Variants in LONP1 observed in about 807,000 individuals in gnomAD.
The protein encoded by LONP1 is lon peptidase 1, mitochondrial, also known as lon protease homolog, mitochondrial.
Under a neutral mutation model 98.5 loss-of-function variants are expected in LONP1, and 31 were observed. That is an observed-to-expected ratio of 0.31 (90% CI 0.24 to 0.42). The LOEUF is 0.42. LONP1 is among the 20% of genes least tolerant of loss of function. The pLI, the probability that LONP1 is intolerant of heterozygous loss-of-function variation, is 1.00. For synonymous variants in LONP1, 781 were observed against 594.7 expected (o/e 1.31, Z -4.56); for missense variants, 1,336 against 1,350.6 (o/e 0.99, Z 0.17).
intron 8 of LONP1, 101 bp from the exon 9 acceptor site, chr19:5,701,028 G>A: frequency 7.3e-7 from 1 of 1,364,974 alleles, no homozygotes; most frequent in Non-Finnish European, 1.0e-6. Context: ...AAACCCATGT[G>A]TGGGGCTGAG....
intron 7 of LONP1, among the ~76,000 whole-genome samples, chr19:5,706,557 A>G (rs2055148360): frequency 6.6e-6 from 1 of 152,048 alleles, no homozygotes; most frequent in Admixed American, 6.6e-5. Context: ...TAGTGAGCTG[A>G]GATTGCGCCA....
chr19:5,696,093 C>T lies in LONP1; in HGVS notation c.1974G>A (p.Val658=). The T allele has an allele frequency of 6.2e-7, 1 of 1,613,090 alleles. No individual in the cohort carries two copies. The change falls in exon 13 of 18, where the codon GTG becomes GTA. Residue 658 remains valine, a synonymous_variant. Coordinates refer to ENST00000360614, the MANE Select transcript of LONP1 (RefSeq NM_004793.4). ...GCTTCTCCTGGGCCACGTAGCCCGACACGTTGATCATCTCCATACGGTCTC... is the reference window on the plus strand; with the variant it reads ...GCTTCTCCTGGGCCACGTAGCCCGATACGTTGATCATCTCCATACGGTCTC... ...PLRDRMEMIN[V]SGYVAQEKLA... is the part of the protein sequence containing the mutation.
chr19:5,709,275 G>A (rs1171672922), intron 4 of LONP1, among the ~76,000 whole-genome samples: 1 of 151,676 alleles, frequency 6.6e-6, no homozygotes, highest in Non-Finnish European at 1.5e-5. Context: ...GGTCACTTGA[G>A]GCCAGGAGCT....
At chr19:5,710,955 G>C (rs1304674592) in intron 4 of LONP1, among the ~76,000 whole-genome samples, 1 of 152,076 alleles carries the variant, frequency 6.6e-6, no homozygotes, top group East Asian at 1.9e-4. Context: ...GAACCTGGGA[G>C]GTGGAAATTG....
intron 5 of LONP1, 50 bp from the exon 6 acceptor site, chr19:5,707,876 G>A (rs1396164275): frequency 6.2e-7 from 1 of 1,603,812 alleles, no homozygotes; most frequent in African/African-American, 1.3e-5. Flanking sequence ...ACGCTCTGCT[G>A]CAGTGCAGCC....
chr19:5,697,324 AG>A (rs1476369285), intron 10 of LONP1, among the ~76,000 whole-genome samples: 3 of 151,824 alleles, frequency 2.0e-5, no homozygotes, highest in Non-Finnish European at 2.9e-5. Context: ...TTAAGTGTGC[AG>A]GGGGGTAAGG....
At chr19:5,715,423 C>A (rs1489160883) in intron 1 of LONP1, among the ~76,000 whole-genome samples, 1 of 150,010 alleles carries the variant, frequency 6.7e-6, no homozygotes, top group Non-Finnish European at 1.5e-5. Flanking sequence ...GCGGGCAGAT[C>A]ACAAGGTCAG....
At chr19:5,716,183 G>C (rs756428650) in intron 1 of LONP1, among the ~76,000 whole-genome samples, 8 of 148,132 alleles carry the variant, frequency 5.4e-5, no homozygotes, top group Non-Finnish European at 1.0e-4. Context: ...ACCAGCCTGG[G>C]TAACACAGTG....
intron 8 of LONP1, among the ~76,000 whole-genome samples, chr19:5,704,237 G>A (rs1242148930): frequency 5.3e-5 from 8 of 152,204 alleles, no homozygotes; most frequent in Non-Finnish European, 1.2e-4. Flanking sequence ...GGCAGGAAAC[G>A]GATTCTCCTC....
At chr19:5,696,221 A>G (rs1324225396) in intron 12 of LONP1, 28 bp downstream of exon 12, 2 of 1,612,740 alleles carry the variant, frequency 1.2e-6, no homozygotes, top group Non-Finnish European at 1.7e-6. Flanking sequence ...CCTCCCCAGC[A>G]AGCCCAGGCC....
In LONP1 at chr19:5,707,835, C is replaced by G; in HGVS notation, c.933-9G>C. The G allele has an allele frequency of 6.2e-7, 1 of 1,612,436 alleles. No homozygotes were observed. The highest frequency in any genetic ancestry group is 8.5e-7 in the Non-Finnish European group (1 of 1,179,622). ...TCTGCAGCACTGACTCCCTGGGGGA[C>G]AAAGGGAGCTGCCTCGGTGGCCAGG... On this transcript the variant is annotated splice_polypyrimidine_tract_variant and intron_variant, in intron 5 of 17. Transcript: ENST00000360614.
In LONP1 at chr19:5,708,053, C is replaced by G. The variant is rs2055176381; in HGVS notation, c.933-227G>C. 6.5e-6 allele frequency: 4 copies of G among 617,056 alleles called. No homozygotes were observed. In the South Asian group the frequency reaches 7.9e-5, roughly 12 times the overall value. The allele number at this position is 617,056 out of a possible 1,614,324, so 38.2% of individuals were successfully genotyped here. A position where few individuals can be genotyped will look rare whatever the true frequency, so the allele number is the denominator to read the frequency against. ...TCCTCACGTGCAGCCACCACGGGAGCCGTGCAGTGACCTCACCTCAGCAGT... is the reference window on the plus strand; with the variant it reads ...TCCTCACGTGCAGCCACCACGGGAGGCGTGCAGTGACCTCACCTCAGCAGT... On this transcript the variant is annotated intron_variant, in intron 5 of 17. Coordinates refer to ENST00000360614, the MANE Select transcript of LONP1 (RefSeq NM_004793.4).
intron 14 of LONP1, 76 bp downstream of exon 14, chr19:5,694,685 G>A (rs1266656236): frequency 1.3e-6 from 2 of 1,568,738 alleles, no homozygotes; most frequent in East Asian, 2.3e-5. Flanking sequence ...GGGATGATGG[G>A]CATGGAAAGG....
intron 3 of LONP1, chr19:5,712,521 G>C (rs4807810): frequency 0.017 from 3,046 of 176,564 alleles, 59 homozygotes; most frequent in East Asian, 0.035. Flanking sequence ...CCTGAACTCA[G>C]GGTCTCGCTC....
chr19:5,719,824 G>GGCGCCCGCGCTGCCCCCC lies in LONP1; in HGVS notation c.291_308dup (p.Gly99_Gly104dup). Reference sequence around the variant, plus strand: ...GCGCCGTTATGACCGGGCCTTCCCCGGCGCCCGCGCTGCCCCCCGCGCCGC... The same window carrying GGCGCCCGCGCTGCCCCCC: ...GCGCCGTTATGACCGGGCCTTCCCCGGCGCCCGCGCTGCCCCCCGCGCCCGCGCTGCCCCCCGCGCCGC... On this transcript the variant is annotated inframe_insertion, in exon 1 of 18. Transcript: ENST00000360614. The GGCGCCCGCGCTGCCCCCC allele has an allele frequency of 6.2e-7, 1 of 1,610,430 alleles. No individual in the cohort carries two copies. The highest frequency in any genetic ancestry group is 8.5e-7 in the Non-Finnish European group (1 of 1,179,200).
At chr19:5,703,637 G>A (rs1599463907) in intron 8 of LONP1, among the ~76,000 whole-genome samples, 1 of 151,740 alleles carries the variant, frequency 6.6e-6, no homozygotes, top group East Asian at 1.9e-4. Flanking sequence ...CATACGAGAC[G>A]CACCGGGACA....
chr19:5,699,480 G>A (rs1447963334), intron 9 of LONP1, among the ~76,000 whole-genome samples: 1 of 151,968 alleles, frequency 6.6e-6, no homozygotes, highest in Non-Finnish European at 1.5e-5. Flanking sequence ...CAGTTCCCGG[G>A]ACCCTGAAGA....
chr19:5,708,465 T>TG, intron 4 of LONP1, 62 bp from the exon 5 acceptor site: 2 of 472,646 alleles, frequency 4.2e-6, no homozygotes, highest in Admixed American at 2.8e-5. Flanking sequence ...GTGGGCTGGG[T>TG]GGGAGCATGG....
At chr19:5,694,279 C>CG (rs1366671569) in intron 15 of LONP1, 108 bp downstream of exon 15, 127 of 1,440,082 alleles carry the variant, frequency 8.8e-5, no homozygotes, top group East Asian at 3.8e-4. Flanking sequence ...CGCCAGAGGC[C>CG]GTTCAGAGCC....
Sources: allele counts gnomAD v4.1 joint callset (sites outside exome capture counted in the v4.1 genomes callset), GRCh38; gene constraint gnomAD v4.1.1; transcripts MANE v1.5; gene names NCBI Gene and HGNC (gene_info 2026-07-23, HGNC 2026-07-21).